The following UBE3B variants were observed in gnomAD, a reference collection of about 807,000 sequenced individuals.
UBE3B encodes ubiquitin-protein ligase E3B.
UBE3B carries 80 observed loss-of-function variants against 132.3 expected under a neutral mutation model. The ratio of observed to expected loss-of-function variants is 0.60; its 90% confidence interval spans 0.50 to 0.73. The LOEUF is 0.73. Ranked by LOEUF, UBE3B falls within the 30% of genes least tolerant of loss-of-function variation. The pLI is 0.00. For missense variants in UBE3B, 1,196 were observed against 1,362.5 expected, an observed-to-expected ratio of 0.88 and a Z score of 1.92; for synonymous variants, 487 against 520.4, an observed-to-expected ratio of 0.94 and a Z score of 0.87.
Position 109,507,644 on chromosome 12 carries a change from TTCTTGGAATGCC to T in UBE3B, c.1533_1544del (p.Phe511_Cys514del). 3 of 1,614,208 alleles carry T rather than the reference TTCTTGGAATGCC, an allele frequency of 1.9e-6. No homozygotes were observed. The highest frequency in any genetic ancestry group is 2.5e-6 in the Non-Finnish European group (3 of 1,180,032). On this transcript the variant is annotated inframe_deletion, in exon 15 of 28. Transcript: ENST00000342494. ...CGGGCCCCACGGAGGGTTAAAGCTC[TTCTTGGAATGCC>T]TGAACAATGACACTGAAGAGTCCAA...
chr12:109,544,144 A>G, the UBE3B span, among the ~76,000 whole-genome samples: 1 of 152,098 alleles, frequency 6.6e-6, no homozygotes, highest in African/African-American at 2.4e-5. Context: ...AACCTGGAGT[A>G]TGGTCCCTGC....
intron 17 of UBE3B, 53 bp downstream of exon 17, chr12:109,510,511 C>CG: frequency 7.0e-7 from 1 of 1,419,468 alleles, no homozygotes; most frequent in South Asian, 1.2e-5. Context: ...CTCCGGCACG[C>CG]TGCCCGAGCA....
the UBE3B span, among the ~76,000 whole-genome samples, chr12:109,543,891 T>C: frequency 6.6e-6 from 1 of 150,560 alleles, no homozygotes; most frequent in Non-Finnish European, 1.5e-5. Flanking sequence ...GATGGTACCA[T>C]AAGGAGGGTT....
In UBE3B at chr12:109,507,568, C is replaced by T. The variant is rs747273441; in HGVS notation, c.1455C>T (p.Leu485=). ...TQIRLQILTG[L]TYLDDLLPKL... is the part of the protein sequence containing the mutation. ...GTTTCTCTGTGTTTTTTCCAGGTCT[C>T]ACTTACCTTGATGACCTGCTTCCCA... The change falls in exon 15 of 28, where the codon CTC becomes CTT. Residue 485 remains leucine, a synonymous_variant. Coordinates refer to ENST00000342494, the MANE Select transcript of UBE3B (RefSeq NM_130466.4). The T allele has an allele frequency of 6.2e-7, 1 of 1,613,006 alleles. No individual in the cohort carries two copies. The highest frequency in any genetic ancestry group is 1.1e-5 in the South Asian group (1 of 90,882).
intron 12 of UBE3B, among the ~76,000 whole-genome samples, chr12:109,500,831 C>T (rs1566088166): frequency 6.6e-6 from 1 of 152,200 alleles, no homozygotes; most frequent in Non-Finnish European, 1.5e-5. Context: ...CAGGCCTGGC[C>T]GTACTCAGGG....
intron 1 of UBE3B, among the ~76,000 whole-genome samples, chr12:109,481,266 A>C (rs1875367725): frequency 6.6e-6 from 1 of 151,930 alleles, no homozygotes; most frequent in Non-Finnish European, 1.5e-5. Context: ...TAGTGAGCTG[A>C]AATTATGCCG....
At chr12:109,506,030 G>A (rs961001687) in intron 14 of UBE3B, among the ~76,000 whole-genome samples, 18 of 152,182 alleles carry the variant, frequency 1.2e-4, no homozygotes, top group Admixed American at 9.8e-4. Flanking sequence ...AACTATACCC[G>A]TGATGTGGCC....
intron 8 of UBE3B, chr12:109,490,345 C>G: frequency 6.9e-7 from 1 of 1,447,698 alleles, no homozygotes; most frequent in Non-Finnish European, 9.1e-7. Context: ...GCTCTGTGTC[C>G]TCAAACAGCC....
chr12:109,513,939 A>G (rs1880671691), intron 18 of UBE3B, among the ~76,000 whole-genome samples: 1 of 152,088 alleles, frequency 6.6e-6, no homozygotes, highest in East Asian at 1.9e-4. Flanking sequence ...TCTGCCATTG[A>G]AATATTCTTG....
In UBE3B at chr12:109,524,042, G is replaced by A. The variant is rs1424718502; in HGVS notation, c.2429G>A (p.Ser810Asn). The A allele has an allele frequency of 6.2e-7, 1 of 1,614,070 alleles. No homozygotes were observed. Among genetic ancestry groups the A allele is most frequent in the East Asian group, 2.2e-5 (1 of 44,886 alleles). Reference sequence around the variant, plus strand: ...AGCCAACTGCTTGGGCACCACCACAGCGTCTTCTATAGCTCGGTGGATGAA... The same window carrying A: ...AGCCAACTGCTTGGGCACCACCACAACGTCTTCTATAGCTCGGTGGATGAA... Reference protein sequence around the residue: ...FLSQLLGHHHSVFYSSVDELP... With the variant: ...FLSQLLGHHHNVFYSSVDELP... Residue 810 changes from serine to asparagine, a missense_variant, in exon 22 of 28, where the codon AGC (serine) becomes AAC (asparagine). Ser to Asn is a conservative substitution (Grantham distance 46). Coordinates refer to ENST00000342494, the MANE Select transcript of UBE3B (RefSeq NM_130466.4).
Position 109,483,663 on chromosome 12 carries a change from GC to G in UBE3B, c.115del (p.His39MetfsTer66). 1.2e-6 allele frequency: 2 copies of G among 1,612,826 alleles called. No individual in the cohort carries two copies. Among genetic ancestry groups the G allele is most frequent in the Non-Finnish European group, 1.7e-6 (2 of 1,179,572 alleles). On this transcript the variant is annotated frameshift_variant, in exon 3 of 28. Coordinates refer to ENST00000342494, the MANE Select transcript of UBE3B (RefSeq NM_130466.4). LOFTEE classifies it high-confidence loss of function. ...GGAGCGGGCAGCTGTTGTGATCCAG[GC>G]CCATGTCCGGAGTTTTCTCTGTCGG... ...ERERAAVVIQ[A>X]HVRSFLCRSR...
chr12:109,526,292 A>G, intron 23 of UBE3B, 66 bp from the exon 24 acceptor site: 1 of 1,507,812 alleles, frequency 6.6e-7, no homozygotes, highest in South Asian at 1.1e-5. Context: ...GGGCCCTCTC[A>G]TCTCCGGGAA....
the UBE3B span, among the ~76,000 whole-genome samples, chr12:109,545,471 C>T: frequency 6.6e-6 from 1 of 152,198 alleles, no homozygotes; most frequent in Non-Finnish European, 1.5e-5. Context: ...GATCAGCGTC[C>T]CTGGCATCTA....
intron 9 of UBE3B, among the ~76,000 whole-genome samples, chr12:109,496,266 A>G (rs1878194094): frequency 6.6e-6 from 1 of 152,224 alleles, no homozygotes; most frequent in African/African-American, 2.4e-5. Flanking sequence ...TTATGGCCAA[A>G]TAATATTCCA....
Position 109,534,639 on chromosome 12 carries a change from C to G in UBE3B, c.3064C>G (p.Arg1022Gly). ...CGTCCTCCGGGGCTTCTTCACCATC[C>G]GCAAGCGGGAGCCAGGCGGCCGCCT... is the stretch of plus-strand genomic sequence containing the variant. ...GSVLRGFFTI[R>G]KREPGGRLPT... The change falls in exon 28 of 28, where the codon CGC (arginine) becomes GGC (glycine). Residue 1022 changes from arginine (R) to glycine (G), a missense_variant. Transcript: ENST00000342494. This position sits in a 1 kb window ranked among gnomAD's most constrained non-coding sequence, Gnocchi z 5.2. 1 of 1,612,128 alleles carries G rather than the reference C, an allele frequency of 6.2e-7. No homozygotes were observed. Among genetic ancestry groups the G allele is most frequent in the African/African-American group, 1.3e-5 (1 of 74,938 alleles).
intron 6 of UBE3B, among the ~76,000 whole-genome samples, chr12:109,488,169 A>G (rs1358620933): frequency 2.6e-5 from 4 of 152,244 alleles, no homozygotes; most frequent in Non-Finnish European, 5.9e-5. Context: ...AACTTGCCTA[A>G]GCTCACACAG....
Position 109,491,071 on chromosome 12 carries a change from A to AC in UBE3B, c.661dup (p.Arg221ProfsTer53). On this transcript the variant is annotated frameshift_variant, in exon 9 of 28. Transcript: ENST00000342494. LOFTEE classifies it high-confidence loss of function. The stretch of plus-strand genomic sequence containing the variant: ...TATTGTTAACCCGTGGCCTGGCAAG[A>AC]CCCCGTCCTTGTCTATCCAAAGGCA... 6.2e-7 allele frequency: 1 copy of AC among 1,613,932 alleles called. No homozygotes were observed. The highest frequency in any genetic ancestry group is 8.5e-7 in the Non-Finnish European group (1 of 1,179,864).
intron 18 of UBE3B, 60 bp downstream of exon 18, chr12:109,511,363 C>A: frequency 6.8e-7 from 1 of 1,473,430 alleles, no homozygotes; most frequent in South Asian, 1.2e-5. Context: ...GTGGTTCCTG[C>A]CTTTCCATCC....
At chr12:109,483,810 G>C (rs1875898130) in intron 3 of UBE3B, 51 bp from the exon 4 acceptor site, 1 of 1,594,272 alleles carries the variant, frequency 6.3e-7, no homozygotes, top group African/African-American at 1.4e-5. Flanking sequence ...AGCCTTCCAG[G>C]TGCTACAAGC....
Sources: allele counts gnomAD v4.1 joint callset (sites outside exome capture counted in the v4.1 genomes callset), GRCh38; gene constraint gnomAD v4.1.1; non-coding constraint Gnocchi (gnomAD v3.1); transcripts MANE v1.5; gene names NCBI Gene and HGNC (gene_info 2026-07-23, HGNC 2026-07-21).